SEMA3C: variants seen among roughly 807,000 people sequenced by gnomAD.
SEMA3C encodes semaphorin 3C.
SEMA3C carries 47 observed loss-of-function variants against 89.4 expected under a neutral mutation model. That is an observed-to-expected ratio of 0.53 (90% CI 0.42 to 0.67). The LOEUF (loss-of-function observed/expected upper bound fraction) is 0.67. Ranked by LOEUF, SEMA3C falls within the 30% of genes least tolerant of loss-of-function variation. The pLI is 0.00. For synonymous variants in SEMA3C, 310 were observed against 320.2 expected, an observed-to-expected ratio of 0.97 and a Z score of 0.34; for missense variants, 839 against 929.1, an observed-to-expected ratio of 0.90 and a Z score of 1.26.
At position 80,828,701 on chromosome 7, in the gene SEMA3C, G is replaced by T. The variant is rs1255355506; in HGVS notation, c.148C>A (p.His50Asn). ...KTSEYFSLSH[H>N]PLDYRILLMD... ...AATAAAATCCTGTAGTCTAAAGGAT[G>T]GTGGGAAAGGCTGAAGTATTCAGAG... The change falls in exon 3 of 18, where the codon CAT (histidine) becomes AAT (asparagine). Residue 50 changes from histidine to asparagine, a missense_variant. Coordinates refer to ENST00000265361, the MANE Select transcript of SEMA3C (RefSeq NM_006379.5). 6.2e-7 allele frequency: 1 copy of T among 1,611,158 alleles called. No individual in the cohort carries two copies. Among genetic ancestry groups the T allele is most frequent in the Non-Finnish European group, 8.5e-7 (1 of 1,178,098 alleles).
chr7:80,880,310 T>A (rs1791303023), intron 2 of SEMA3C, among the ~76,000 whole-genome samples: 1 of 152,160 alleles, frequency 6.6e-6, no homozygotes, highest in African/African-American at 2.4e-5. Context: ...AATTTATTCA[T>A]CATGTTTAGT....
Position 80,754,023 on chromosome 7 carries a change from C to T in SEMA3C, c.1644-2687G>A, listed in dbSNP as rs767654711. Among the ~76,000 whole-genome samples the T allele has an allele frequency of 8.5e-5, 13 of 152,266 alleles. No homozygotes were observed. In the South Asian group the frequency reaches 1.7e-3, roughly 19 times the overall value. On this transcript the variant is annotated intron_variant, in intron 15 of 17. Transcript: ENST00000265361. ...TGCAATCTCGGCTCGCTGCAATCTC[C>T]GCCTCCCAGGTTCAAGCGACTCCCC... is the stretch of plus-strand genomic sequence containing the variant.
chr7:80,762,601 C>T (rs1788210524), intron 13 of SEMA3C, among the ~76,000 whole-genome samples: 1 of 151,968 alleles, frequency 6.6e-6, no homozygotes. Context: ...GGCGGATCAC[C>T]CTGAGGTCAG....
At chr7:80,814,444 A>C (rs1789551657) in intron 5 of SEMA3C, among the ~76,000 whole-genome samples, 1 of 152,092 alleles carries the variant, frequency 6.6e-6, no homozygotes, top group African/African-American at 2.4e-5. Context: ...TGGCCATTAA[A>C]GTTAGGAGAC....
chr7:80,746,427 A>G (rs562183072), intron 17 of SEMA3C, among the ~76,000 whole-genome samples: 67 of 126,532 alleles, frequency 5.3e-4, no homozygotes, highest in African/African-American at 1.5e-3. Context: ...AAACACATTC[A>G]GAAATTAAAG....
chr7:80,804,347 A>G, intron 7 of SEMA3C, 99 bp from the exon 8 acceptor site: 6 of 748,360 alleles, frequency 8.0e-6, no homozygotes, highest in Non-Finnish European at 1.2e-5. Flanking sequence ...CATCTTTGGT[A>G]GAAAAAAACA....
At chr7:80,839,607 T>C (rs982824439) in intron 2 of SEMA3C, among the ~76,000 whole-genome samples, 4 of 152,040 alleles carry the variant, frequency 2.6e-5, no homozygotes, top group African/African-American at 9.7e-5. Flanking sequence ...CTATATTCAA[T>C]ATGGAAACAA....
At chr7:80,795,400 CT>C (rs1789037778) in intron 11 of SEMA3C, among the ~76,000 whole-genome samples, 1 of 152,152 alleles carries the variant, frequency 6.6e-6, no homozygotes, top group South Asian at 2.1e-4. Context: ...TTTAAAGGAG[CT>C]GCTCTGGTCT....
At chr7:80,864,130 A>G (rs940796895) in intron 2 of SEMA3C, among the ~76,000 whole-genome samples, 60 of 152,192 alleles carry the variant, frequency 3.9e-4, no homozygotes, top group African/African-American at 1.4e-3. Context: ...TTCTAAGTGA[A>G]GTAACACAGG....
chr7:80,903,681 C>G (rs566111395), intron 2 of SEMA3C, among the ~76,000 whole-genome samples: 1 of 152,088 alleles, frequency 6.6e-6, no homozygotes, highest in South Asian at 2.1e-4. Context: ...AAAAATAAAT[C>G]TTATGAGACT....
chr7:80,876,026 G>A (rs1040779749), intron 2 of SEMA3C, among the ~76,000 whole-genome samples: 5 of 152,020 alleles, frequency 3.3e-5, no homozygotes, highest in African/African-American at 7.3e-5. Context: ...TACTTAGCAC[G>A]GAGAAGGTAT....
At chr7:80,840,687 A>G (rs1790245465) in intron 2 of SEMA3C, among the ~76,000 whole-genome samples, 1 of 152,148 alleles carries the variant, frequency 6.6e-6, no homozygotes, top group South Asian at 2.1e-4. Context: ...AAAATTGAGG[A>G]GCATTAAAGA....
intron 2 of SEMA3C, among the ~76,000 whole-genome samples, chr7:80,886,764 A>T (rs1429741731): frequency 6.6e-6 from 1 of 152,232 alleles, no homozygotes; most frequent in South Asian, 2.1e-4. Context: ...TAAATGTTGC[A>T]TCATAAAATT....
In SEMA3C at chr7:80,774,681, A is replaced by G. The variant is rs143393877; in HGVS notation, c.1355-9438T>C. 7.2e-5 allele frequency among the ~76,000 whole-genome samples: 11 copies of G among 152,260 alleles called. No individual in the cohort carries two copies. The East Asian group carries it at 2.1e-3, about 29-fold the overall frequency. ...ATAGAATTTATGCAATTGGAAAAACAGAGGGAAAAAGATTGAAGAAGGTGA... is the reference window on the plus strand; with the variant it reads ...ATAGAATTTATGCAATTGGAAAAACGGAGGGAAAAAGATTGAAGAAGGTGA... On this transcript the variant is annotated intron_variant, in intron 12 of 17. Coordinates refer to ENST00000265361, the MANE Select transcript of SEMA3C (RefSeq NM_006379.5).
chr7:80,897,665 G>C (rs1376382616), intron 2 of SEMA3C, among the ~76,000 whole-genome samples: 1 of 152,190 alleles, frequency 6.6e-6, no homozygotes, highest in Non-Finnish European at 1.5e-5. Context: ...TTAAAAAAAA[G>C]TTTGAGGCTG....
chr7:80,792,289 A>G (rs1223979078), intron 11 of SEMA3C, among the ~76,000 whole-genome samples: 1 of 152,194 alleles, frequency 6.6e-6, no homozygotes, highest in Non-Finnish European at 1.5e-5. Flanking sequence ...ATCTTCACAC[A>G]AAGTGGAAAA....
rs76136092 is a variant in SEMA3C at position 80,825,544 on chromosome 7, T to C, written c.327+1881A>G. 5.3e-3 allele frequency among the ~76,000 whole-genome samples: 812 copies of C among 152,310 alleles called. 42 individuals carry two copies. The East Asian group carries it at 0.12, about 22-fold the overall frequency. On this transcript the variant is annotated intron_variant, in intron 4 of 17. Coordinates refer to ENST00000265361, the MANE Select transcript of SEMA3C (RefSeq NM_006379.5). ...CAAAACAAAAACCCCAGAGGGTTTC[T>C]ACTTTGACAAAGGAAGTAAGAAACC...
chr7:80,869,618 A>C (rs764789994), intron 2 of SEMA3C, among the ~76,000 whole-genome samples: 5 of 152,184 alleles, frequency 3.3e-5, no homozygotes, highest in Non-Finnish European at 7.3e-5. Context: ...AGTGAATCAG[A>C]AGAGCCATAA....
chr7:80,848,513 T>A lies in SEMA3C; in HGVS notation c.104-19768A>T, dbSNP rs571488893. ...TTGAATAACACTGAAGGTCACGTCATGGTGCCCCATGTTCCACCCTGCTAA... is the reference window on the plus strand; with the variant it reads ...TTGAATAACACTGAAGGTCACGTCAAGGTGCCCCATGTTCCACCCTGCTAA... On this transcript the variant is annotated intron_variant, in intron 2 of 17. Transcript: ENST00000265361. Among the ~76,000 whole-genome samples the A allele has an allele frequency of 2.0e-5, 3 of 152,330 alleles. No homozygotes were observed. In the South Asian group the frequency reaches 6.2e-4, roughly 32 times the overall value.
Sources: allele counts gnomAD v4.1 joint callset (sites outside exome capture counted in the v4.1 genomes callset), GRCh38; gene constraint gnomAD v4.1.1; transcripts MANE v1.5; gene names NCBI Gene and HGNC (gene_info 2026-07-23, HGNC 2026-07-21).